USP34: variants seen among roughly 807,000 people sequenced by gnomAD.
The protein encoded by USP34 is ubiquitin specific peptidase 34, also known as ubiquitin carboxyl-terminal hydrolase 34.
In USP34, 70 loss-of-function variants were observed where a neutral mutation model predicts 460.3. The observed-to-expected ratio is 0.15, with a 90% CI of 0.13 to 0.19. USP34 has a LOEUF of 0.19. Ranked by LOEUF, USP34 falls within the 10% of genes least tolerant of loss-of-function variation. USP34 has a pLI of 1.00. For synonymous variants in USP34, 1,647 were observed against 1,405.3 expected (o/e 1.17, Z -3.85); for missense variants, 3,985 against 4,236.2 (o/e 0.94, Z 1.65).
chr2:61,266,283 G>T, intron 41 of USP34, 116 bp from the exon 42 acceptor site: 1 of 928,330 alleles, frequency 1.1e-6, no homozygotes, highest in Non-Finnish European at 1.6e-6. Flanking sequence ...ACGTATAGCA[G>T]CATGATATAC....
chr2:61,299,218 A>G (rs1690143263), intron 29 of USP34, among the ~76,000 whole-genome samples: 1 of 152,200 alleles, frequency 6.6e-6, no homozygotes, highest in Non-Finnish European at 1.5e-5. Context: ...CATCATGGAA[A>G]CGGGAAGAAG....
chr2:61,266,183 A>G lies in USP34; in HGVS notation c.5434-16T>C. ...TCAAAAATTCCTGGGGAGTAAAAGG[A>G]AACATGTTATCTAAACTGAGATATT... On this transcript the variant is annotated splice_polypyrimidine_tract_variant and intron_variant, in intron 41 of 79. Transcript: ENST00000398571. The G allele has an allele frequency of 1.3e-6, 2 of 1,598,904 alleles. No individual in the cohort carries two copies. Among genetic ancestry groups the G allele is most frequent in the South Asian group, 1.1e-5 (1 of 89,844 alleles).
At chr2:61,446,487 T>C (rs952159874) in intron 1 of USP34, among the ~76,000 whole-genome samples, 1 of 152,198 alleles carries the variant, frequency 6.6e-6, no homozygotes, top group Non-Finnish European at 1.5e-5. Flanking sequence ...GTAAGTACTG[T>C]CTGTTACATT....
intron 1 of USP34, among the ~76,000 whole-genome samples, chr2:61,457,634 G>A (rs751366100): frequency 5.9e-5 from 9 of 151,998 alleles, no homozygotes; most frequent in Non-Finnish European, 5.9e-5. Flanking sequence ...AGGCTGAGGC[G>A]GGAGAATCAC....
intron 27 of USP34, among the ~76,000 whole-genome samples, chr2:61,307,396 G>A (rs908131296): frequency 6.6e-6 from 1 of 151,970 alleles, no homozygotes; most frequent in East Asian, 1.9e-4. Flanking sequence ...GGACACCAAC[G>A]TGGTACGTGT....
chr2:61,349,217 C>G (rs1458721412), intron 13 of USP34, 33 bp downstream of exon 13: 2 of 1,603,712 alleles, frequency 1.2e-6, no homozygotes, highest in African/African-American at 2.7e-5. Context: ...AAAACTAAGT[C>G]ATGTTGCCAT....
chr2:61,452,574 A>T (rs1695316170), intron 1 of USP34, among the ~76,000 whole-genome samples: 1 of 151,922 alleles, frequency 6.6e-6, no homozygotes, highest in East Asian at 1.9e-4. Context: ...CACCCGCCTC[A>T]GCCTCCCGCC....
chr2:61,406,118 A>G lies in USP34; in HGVS notation c.142T>C (p.Cys48Arg). ...INSWTQRQCL[C>R]CFKEYKHLEI... ...AAATGCTTATATTCCTTGAAGCAGCATAGACATTGCCTATAAGAGAAAAAA... is the reference window on the plus strand; with the variant it reads ...AAATGCTTATATTCCTTGAAGCAGCGTAGACATTGCCTATAAGAGAAAAAA... Residue 48 changes from cysteine (C) to arginine (R), a missense_variant, in exon 3 of 80, where the codon TGC becomes CGC. Cys to Arg is a radical substitution (Grantham distance 180, BLOSUM62 -3). Around this residue, in one of 14 missense-constraint regions of USP34, gnomAD observed 331 missense variants for 293.7 expected, o/e 1.13. Coordinates refer to ENST00000398571, the MANE Select transcript of USP34 (RefSeq NM_014709.4). 1.3e-6 allele frequency: 2 copies of G among 1,594,574 alleles called. No individual in the cohort carries two copies. The highest frequency in any genetic ancestry group is 1.7e-6 in the Non-Finnish European group (2 of 1,172,600).
intron 18 of USP34, among the ~76,000 whole-genome samples, chr2:61,336,457 A>G (rs1691418992): frequency 6.6e-6 from 1 of 151,758 alleles, no homozygotes; most frequent in East Asian, 1.9e-4. Flanking sequence ...TCCTACCTAT[A>G]AAAGAAGTAT....
At chr2:61,311,250 T>G (rs1690582835) in intron 27 of USP34, among the ~76,000 whole-genome samples, 1 of 152,128 alleles carries the variant, frequency 6.6e-6, no homozygotes, top group Non-Finnish European at 1.5e-5. Context: ...TTTTTTACCC[T>G]TCCACCCTCT....
chr2:61,470,569 C>T (rs1472771394), intron 1 of USP34, 81 bp downstream of exon 1: 1 of 1,010,996 alleles, frequency 9.9e-7, no homozygotes. Flanking sequence ...TCCCGCAGGC[C>T]GCGGCAGCCC....
rs547690935 is a variant in USP34 at position 61,188,595 on chromosome 2, G to T, written c.10148C>A (p.Thr3383Lys). ...KTETREVLTP[T>K]STSDNETRDS... ...TCTGGTCTCATTGTCAGAAGTGCTCGTTGGGGTCAGGACCTCCCTGGTTTC... is the reference window on the plus strand; with the variant it reads ...TCTGGTCTCATTGTCAGAAGTGCTCTTTGGGGTCAGGACCTCCCTGGTTTC... Residue 3383 changes from threonine (T) to lysine (K), a missense_variant, in exon 80 of 80, where the codon ACG becomes AAG. Physicochemically the swap from Thr to Lys is moderately conservative, Grantham distance 78. This residue lies in a region of USP34 where 506 missense variants were observed against 439.0 expected (regional missense o/e 1.15). Transcript: ENST00000398571. The T allele has an allele frequency of 1.2e-6, 2 of 1,614,018 alleles. No individual in the cohort carries two copies. The highest frequency in any genetic ancestry group is 1.3e-5 in the African/African-American group (1 of 74,886).
chr2:61,244,401 G>A (rs987745566), intron 51 of USP34, among the ~76,000 whole-genome samples: 18 of 152,096 alleles, frequency 1.2e-4, no homozygotes, highest in African/African-American at 4.1e-4. Flanking sequence ...GATTACTTGG[G>A]TTCAGGGGTT....
chr2:61,322,719 A>T (rs1053027138), intron 21 of USP34, among the ~76,000 whole-genome samples: 1 of 152,236 alleles, frequency 6.6e-6, no homozygotes. Flanking sequence ...GAAAAAAGTT[A>T]TCCTATCAGT....
At chr2:61,452,234 C>T (rs1341270843) in intron 1 of USP34, among the ~76,000 whole-genome samples, 1 of 151,056 alleles carries the variant, frequency 6.6e-6, no homozygotes, top group Non-Finnish European at 1.5e-5. Context: ...GTGGGAATGA[C>T]CTTTCTAAAT....
At chr2:61,386,881 A>T (rs1693162586) in intron 5 of USP34, among the ~76,000 whole-genome samples, 1 of 152,252 alleles carries the variant, frequency 6.6e-6, no homozygotes, top group South Asian at 2.1e-4. Flanking sequence ...CTTAACCATA[A>T]AGAAAAATGA....
Position 61,370,590 on chromosome 2 carries a change from G to A in USP34, c.1077-11C>T. 6.2e-7 allele frequency: 1 copy of A among 1,610,600 alleles called. No homozygotes were observed. The highest frequency in any genetic ancestry group is 8.5e-7 in the Non-Finnish European group (1 of 1,179,004). ...TCTTTTGCAATGGACCTAAAGTCAA[G>A]CAATGAAAATAGTACATTAAAAAAA... On this transcript the variant is annotated splice_polypyrimidine_tract_variant and intron_variant, in intron 8 of 79. Transcript: ENST00000398571.
At position 61,470,792 on chromosome 2, in the gene USP34, CCGGCGGGG is replaced by C. The variant is rs1695937083; in HGVS notation, c.-108_-101del. On this transcript the variant is annotated 5_prime_UTR_variant, in exon 1 of 80. Transcript: ENST00000398571. ...AGAGGCGGAGGAGGGGGCCGGCCGG[CCGGCGGGG>C]CGGGGAGGCGACTAGGGCGGGCGGC... 5 of 963,712 alleles carry C rather than the reference CCGGCGGGG, an allele frequency of 5.2e-6. No homozygotes were observed. Among genetic ancestry groups the C allele is most frequent in the African/African-American group, 1.8e-5 (1 of 56,472 alleles). 59.7% of individuals were successfully genotyped at this position (963,712 alleles called of 1,614,324 possible).
chr2:61,360,635 C>T (rs1023050826), intron 10 of USP34, among the ~76,000 whole-genome samples: 9 of 152,290 alleles, frequency 5.9e-5, no homozygotes, highest in Admixed American at 3.3e-4. Context: ...ACAGAGTCAA[C>T]GCAATCCCTA....
Sources: gnomAD v4.1 joint callset for allele counts (sites outside exome capture counted in the v4.1 genomes callset) on GRCh38, gnomAD v4.1.1 for gene constraint, gnomAD v4.1.1 regional missense constraint, MANE v1.5 for transcripts, NCBI Gene and HGNC (gene_info 2026-07-23, HGNC 2026-07-21) for gene names.